The following ROBO2 variants were observed in gnomAD, a reference collection of about 807,000 sequenced individuals.
ROBO2 encodes the protein roundabout guidance receptor 2.
ROBO2 carries 53 observed loss-of-function variants against 160.8 expected under a neutral mutation model. The observed-to-expected ratio is 0.33, with a 90% CI of 0.26 to 0.41. The LOEUF (loss-of-function observed/expected upper bound fraction) is 0.41, where lower values mean the gene tolerates loss of function less well. Among genes scored for constraint, ROBO2 ranks in the 10% least tolerant of loss-of-function variants. The pLI is 1.00. For synonymous variants in ROBO2, 664 were observed against 611.7 expected (o/e 1.09, Z -1.26); for missense variants, 1,577 against 1,722.4 (o/e 0.92, Z 1.49).
intron 2 of ROBO2, among the ~76,000 whole-genome samples, chr3:76,572,567 C>A (rs1217423095): frequency 6.6e-6 from 1 of 152,230 alleles, no homozygotes; most frequent in African/African-American, 2.4e-5. Context: ...AATCTGATTT[C>A]TAAAAACCTT....
At chr3:76,519,158 C>A (rs2081478959) in intron 2 of ROBO2, among the ~76,000 whole-genome samples, 1 of 152,112 alleles carries the variant, frequency 6.6e-6, no homozygotes, top group Non-Finnish European at 1.5e-5. Flanking sequence ...TTTCCAAAAC[C>A]TTATTACATA....
chr3:76,334,188 C>G (rs2073706462), intron 2 of ROBO2, among the ~76,000 whole-genome samples: 1 of 151,970 alleles, frequency 6.6e-6, no homozygotes, highest in Admixed American at 6.6e-5. Flanking sequence ...GCTTCACCAC[C>G]CATATCATCA....
At chr3:77,549,826 G>A (rs1490901120) in intron 7 of ROBO2, among the ~76,000 whole-genome samples, 1 of 151,956 alleles carries the variant, frequency 6.6e-6, no homozygotes, top group Non-Finnish European at 1.5e-5. Flanking sequence ...TGATTGCAAC[G>A]TATTGAAACT....
intron 2 of ROBO2, among the ~76,000 whole-genome samples, chr3:77,221,854 C>CTT (rs5850317): frequency 6.3e-4 from 89 of 140,294 alleles, no homozygotes; most frequent in Middle Eastern, 3.8e-3. Flanking sequence ...TTTTCTTTTT[C>CTT]TTTTTTTTTT....
intron 2 of ROBO2, among the ~76,000 whole-genome samples, chr3:76,857,575 G>T (rs2070265597): frequency 6.6e-6 from 1 of 152,090 alleles, no homozygotes; most frequent in Non-Finnish European, 1.5e-5. Flanking sequence ...AATTTTGATG[G>T]CCCGTTGGGT....
chr3:75,951,831 A>G lies in ROBO2; in HGVS notation c.109+14229A>G, dbSNP rs1440591798. 2.0e-5 allele frequency among the ~76,000 whole-genome samples: 3 copies of G among 152,170 alleles called. No individual in the cohort carries two copies. The East Asian group carries it at 5.8e-4, about 30-fold the overall frequency. ...TAAAAATGTCCAAATCTTTTTTTGAACAAATTTTTATCTGATAGCTCCCTT... is the reference window on the plus strand; with the variant it reads ...TAAAAATGTCCAAATCTTTTTTTGAGCAAATTTTTATCTGATAGCTCCCTT... On this transcript the variant is annotated intron_variant, in intron 2 of 26. Coordinates refer to the ROBO2 transcript ENST00000487694.
chr3:77,455,414 G>A (rs985868718), intron 2 of ROBO2, among the ~76,000 whole-genome samples: 11 of 152,110 alleles, frequency 7.2e-5, no homozygotes, highest in African/African-American at 1.2e-4. Flanking sequence ...ACAGAAGTCC[G>A]AAATTAAGGA....
intron 2 of ROBO2, among the ~76,000 whole-genome samples, chr3:77,295,943 G>A (rs901526453): frequency 8.4e-6 from 1 of 119,274 alleles, no homozygotes; most frequent in Non-Finnish European, 2.0e-5. Flanking sequence ...AAAATTGATG[G>A]TTAAACGGGT....
chr3:76,539,356 TAAAATTAA>T (rs2082692331), intron 2 of ROBO2, among the ~76,000 whole-genome samples: 1 of 142,648 alleles, frequency 7.0e-6, no homozygotes, highest in Non-Finnish European at 1.5e-5. Flanking sequence ...AAACTTTAAG[TAAAATTAA>T]AAAAAAAAAA....
chr3:76,811,774 C>A (rs2065173650), intron 2 of ROBO2, among the ~76,000 whole-genome samples: 1 of 143,936 alleles, frequency 6.9e-6, no homozygotes. Flanking sequence ...TCTCTCTTTC[C>A]CTCCTTCCTT....
chr3:76,884,293 G>A (rs531975465), intron 2 of ROBO2, among the ~76,000 whole-genome samples: 4 of 152,260 alleles, frequency 2.6e-5, no homozygotes, highest in South Asian at 4.1e-4. Flanking sequence ...AATATTTTAT[G>A]TGGAAGTATG....
chr3:77,119,198 T>C (rs1560049084), intron 2 of ROBO2, among the ~76,000 whole-genome samples: 2 of 152,212 alleles, frequency 1.3e-5, no homozygotes, highest in Non-Finnish European at 2.9e-5. Flanking sequence ...TCCCCAGCCA[T>C]GCAGAACAGT....
At chr3:77,200,267 TTATA>T (rs144644165) in intron 2 of ROBO2, among the ~76,000 whole-genome samples, 902 of 45,786 alleles carry the variant, frequency 0.02, 9 homozygotes, top group Non-Finnish European at 0.025. Flanking sequence ...CTAACATATT[TTATA>T]TATATATATA....
At chr3:77,226,110 T>G (rs2086467829) in intron 2 of ROBO2, among the ~76,000 whole-genome samples, 1 of 152,074 alleles carries the variant, frequency 6.6e-6, no homozygotes, top group African/African-American at 2.4e-5. Flanking sequence ...AATCCTTTTT[T>G]ATTTTAGGAA....
intron 2 of ROBO2, among the ~76,000 whole-genome samples, chr3:76,509,659 G>A (rs1227681460): frequency 6.6e-6 from 1 of 152,082 alleles, no homozygotes; most frequent in African/African-American, 2.4e-5. Flanking sequence ...GTCCAGCAAC[G>A]GAAGTCACGC....
chr3:76,254,602 T>A (rs1415527657), intron 2 of ROBO2, among the ~76,000 whole-genome samples: 1 of 152,058 alleles, frequency 6.6e-6, no homozygotes, highest in Non-Finnish European at 1.5e-5. Flanking sequence ...GCAATAACGC[T>A]GTCAGCACAA....
chr3:77,083,631 A>G (rs538049084), intron 1 of ROBO2, among the ~76,000 whole-genome samples: 26 of 152,260 alleles, frequency 1.7e-4, no homozygotes, highest in Admixed American at 9.8e-4. Context: ...TGGAAATGAG[A>G]GGCAGTCAGT....
At chr3:77,127,911 A>G (rs1219071243) in intron 2 of ROBO2, among the ~76,000 whole-genome samples, 1 of 152,228 alleles carries the variant, frequency 6.6e-6, no homozygotes, top group African/African-American at 2.4e-5. Context: ...GTTATAGATC[A>G]TTTACCAAAG....
intron 24 of ROBO2, among the ~76,000 whole-genome samples, chr3:77,637,246 C>G (rs1484036415): frequency 6.6e-6 from 1 of 152,144 alleles, no homozygotes; most frequent in East Asian, 1.9e-4. Flanking sequence ...CACACTTACA[C>G]TTATCATTAT....
Sources: allele counts gnomAD v4.1 joint callset (sites outside exome capture counted in the v4.1 genomes callset), GRCh38; gene constraint gnomAD v4.1.1; transcripts MANE v1.5; gene names NCBI Gene and HGNC (gene_info 2026-07-23, HGNC 2026-07-21).